ARHGAP44: variants seen among roughly 807,000 people sequenced by gnomAD.
The protein encoded by ARHGAP44 is Rho GTPase activating protein 44.
In ARHGAP44, 43 loss-of-function variants were observed where a neutral mutation model predicts 106.8. That is an observed-to-expected ratio of 0.40 (90% CI 0.32 to 0.52). The LOEUF (loss-of-function observed/expected upper bound fraction) is 0.52, where lower values mean the gene tolerates loss of function less well. ARHGAP44 is among the 20% of genes least tolerant of loss of function. The pLI is 0.48. For synonymous variants in ARHGAP44, 439 were observed against 410.3 expected (o/e 1.07, Z -0.85); for missense variants, 866 against 1,050.5 (o/e 0.82, Z 2.43).
intron 1 of ARHGAP44, among the ~76,000 whole-genome samples, chr17:12,865,380 T>C (rs2036207359): frequency 6.6e-6 from 1 of 152,232 alleles, no homozygotes; most frequent in African/African-American, 2.4e-5. Flanking sequence ...CTCTTGTAAC[T>C]TATTAAGGGC....
intron 10 of ARHGAP44, among the ~76,000 whole-genome samples, chr17:12,948,610 C>A (rs561859185): frequency 1.3e-5 from 2 of 152,172 alleles, no homozygotes; most frequent in South Asian, 4.2e-4. Context: ...GCAGAGGTTG[C>A]ACTGAGTCAA....
At chr17:12,882,770 T>A (rs2036777657) in intron 1 of ARHGAP44, among the ~76,000 whole-genome samples, 1 of 152,108 alleles carries the variant, frequency 6.6e-6, no homozygotes, top group Non-Finnish European at 1.5e-5. Context: ...TCTTACATTC[T>A]CTAGTAATTA....
intron 10 of ARHGAP44, among the ~76,000 whole-genome samples, chr17:12,948,577 C>T (rs939179533): frequency 2.0e-5 from 3 of 151,938 alleles, no homozygotes; most frequent in African/African-American, 4.8e-5. Context: ...AGACTGAACA[C>T]GAGAATTGCT....
intron 12 of ARHGAP44, among the ~76,000 whole-genome samples, chr17:12,951,044 T>C (rs1567704800): frequency 6.6e-6 from 1 of 152,176 alleles, no homozygotes; most frequent in African/African-American, 2.4e-5. Context: ...TGCATAATGG[T>C]ATTTTATTTC....
At chr17:12,918,843 G>A (rs911341452) in intron 5 of ARHGAP44, among the ~76,000 whole-genome samples, 18 of 152,130 alleles carry the variant, frequency 1.2e-4, no homozygotes, top group African/African-American at 4.3e-4. Flanking sequence ...CAGGGCGGGA[G>A]TTGGGGGCAA....
At chr17:12,978,035 T>TAAAAAAAAAAAAAAAAAAAAA (rs757585682) in intron 18 of ARHGAP44, among the ~76,000 whole-genome samples, 705 of 55,378 alleles carry the variant, frequency 0.013, 125 homozygotes, top group Non-Finnish European at 0.014. Flanking sequence ...AGACTCCATC[T>TAAAAAAAAAAAAAAAAAAAAA]CAAAAAAAAA....
At position 12,789,700 on chromosome 17, in the gene ARHGAP44, GCCAGACGGCGCCCGGAGGCTCCGCAGT is replaced by G; in HGVS notation, c.-138_-112del. ...GCCCTCGGGAGGGAGCTGCGCGCGG[GCCAGACGGCGCCCGGAGGCTCCGCAGT>G]GCCGCCGCCGTCGCCCGGGAGGCTC... On this transcript the variant is annotated 5_prime_UTR_variant, in exon 1 of 21. Transcript: ENST00000379672. 4 of 657,470 alleles carry G rather than the reference GCCAGACGGCGCCCGGAGGCTCCGCAGT, an allele frequency of 6.1e-6. No individual in the cohort carries two copies. The highest frequency in any genetic ancestry group is 8.8e-6 in the Non-Finnish European group (4 of 454,214). 40.7% of individuals were successfully genotyped at this position (657,470 alleles called of 1,614,324 possible). A position where few individuals can be genotyped will look rare whatever the true frequency, so the allele number is the denominator to read the frequency against.
chr17:12,820,686 A>G (rs1161885050), intron 1 of ARHGAP44, among the ~76,000 whole-genome samples: 1 of 152,188 alleles, frequency 6.6e-6, no homozygotes, highest in Non-Finnish European at 1.5e-5. Context: ...AGTGTGTTGA[A>G]TCATGTGATT....
At chr17:12,909,015 A>T in intron 4 of ARHGAP44, 42 bp downstream of exon 4, 2 of 1,528,432 alleles carry the variant, frequency 1.3e-6, no homozygotes, top group South Asian at 2.5e-5. Flanking sequence ...AAATCTAAGT[A>T]AGTCCCCATC....
At chr17:12,896,373 C>T (rs774542227) in intron 2 of ARHGAP44, 34 bp from the exon 3 acceptor site, 12 of 1,553,060 alleles carry the variant, frequency 7.7e-6, no homozygotes, top group South Asian at 1.2e-5. Flanking sequence ...ACCTTGCCCT[C>T]TCTCAGTGGC....
chr17:12,865,194 A>G (rs140374786), intron 1 of ARHGAP44, among the ~76,000 whole-genome samples: 3 of 152,330 alleles, frequency 2.0e-5, no homozygotes, highest in Non-Finnish European at 4.4e-5. Context: ...GCAGAATTAG[A>G]AGAATCAGAC....
At chr17:12,835,056 G>A (rs1305882582) in intron 1 of ARHGAP44, among the ~76,000 whole-genome samples, 4 of 152,160 alleles carry the variant, frequency 2.6e-5, no homozygotes, top group African/African-American at 7.2e-5. Flanking sequence ...TAATTCATCC[G>A]AATAATCTTG....
intron 1 of ARHGAP44, among the ~76,000 whole-genome samples, chr17:12,816,681 AT>A (rs2034607102): frequency 6.6e-6 from 1 of 152,182 alleles, no homozygotes. Flanking sequence ...TTACATACTG[AT>A]AAAAGAGTCA....
chr17:12,933,882 T>C (rs1196914274), intron 7 of ARHGAP44, among the ~76,000 whole-genome samples: 1 of 148,620 alleles, frequency 6.7e-6, no homozygotes, highest in Non-Finnish European at 1.5e-5. Flanking sequence ...GGTGTCTGGC[T>C]CTGTCGCCCA....
intron 20 of ARHGAP44, chr17:12,987,209 G>C (rs536196007): frequency 6.9e-7 from 1 of 1,442,380 alleles, no homozygotes; most frequent in African/African-American, 1.4e-5. Flanking sequence ...CCAGCTGCCC[G>C]CTCCTCCCCT....
At chr17:12,956,865 A>G in intron 15 of ARHGAP44, 119 bp downstream of exon 15, 1 of 663,434 alleles carries the variant, frequency 1.5e-6, no homozygotes, top group Non-Finnish European at 2.5e-6. Context: ...ATTCCCCTAT[A>G]AACACACACA....
chr17:12,893,892 A>T (rs1264711462), intron 1 of ARHGAP44, among the ~76,000 whole-genome samples: 1 of 152,112 alleles, frequency 6.6e-6, no homozygotes, highest in Non-Finnish European at 1.5e-5. Flanking sequence ...GTGAAGGACA[A>T]CACTTTTACC....
Position 12,903,085 on chromosome 17 carries a change from A to T in ARHGAP44, c.199-5812A>T, listed in dbSNP as rs1194905858. Reference sequence around the variant, plus strand: ...AATTTTCCAAGATAGGGAATATATGAGAGAGAGAGAGAGAGAGAGAGAGAG... The same window carrying T: ...AATTTTCCAAGATAGGGAATATATGTGAGAGAGAGAGAGAGAGAGAGAGAG... On this transcript the variant is annotated intron_variant, in intron 3 of 20. Transcript: ENST00000379672. Among the ~76,000 whole-genome samples, 3 of 48,742 alleles carry T rather than the reference A, an allele frequency of 6.2e-5. No homozygotes were observed. In the East Asian group the frequency reaches 1.6e-3, roughly 27 times the overall value. The allele number at this position is 48,742 out of a possible 152,430, so 32.0% of individuals were successfully genotyped here. A position where few individuals can be genotyped will look rare whatever the true frequency, so the allele number is the denominator to read the frequency against.
chr17:12,974,618 T>C (rs576292407), intron 18 of ARHGAP44, among the ~76,000 whole-genome samples: 5 of 152,192 alleles, frequency 3.3e-5, no homozygotes, highest in African/African-American at 1.2e-4. Flanking sequence ...TCTTTGTCGT[T>C]ACAGTGGCCC....
Sources: allele counts gnomAD v4.1 joint callset (sites outside exome capture counted in the v4.1 genomes callset), GRCh38; gene constraint gnomAD v4.1.1; transcripts MANE v1.5; gene names NCBI Gene and HGNC (gene_info 2026-07-23, HGNC 2026-07-21).